The following RASGEF1A variants were observed in gnomAD, a reference collection of about 807,000 sequenced individuals.
The protein encoded by RASGEF1A is ras-GEF domain-containing family member 1A.
Under a neutral mutation model 56.4 loss-of-function variants are expected in RASGEF1A, and 18 were observed. That is an observed-to-expected ratio of 0.32 (90% CI 0.22 to 0.47). The LOEUF is 0.47. RASGEF1A is among the 20% of genes least tolerant of loss of function. The pLI is 1.00. For synonymous variants in RASGEF1A, 245 were observed against 242.6 expected, an observed-to-expected ratio of 1.01 and a Z score of -0.09; for missense variants, 422 against 627.1, an observed-to-expected ratio of 0.67 and a Z score of 3.49.
intron 1 of RASGEF1A, among the ~76,000 whole-genome samples, chr10:43,215,949 G>A (rs1241248917): frequency 1.3e-5 from 2 of 152,238 alleles, no homozygotes; most frequent in Non-Finnish European, 2.9e-5. Context: ...TTCTGGGAAA[G>A]GACGAGCAGA....
At chr10:43,214,014 G>C (rs1226011161) in intron 1 of RASGEF1A, among the ~76,000 whole-genome samples, 1 of 152,172 alleles carries the variant, frequency 6.6e-6, no homozygotes, top group Non-Finnish European at 1.5e-5. Flanking sequence ...CCTCATGTGT[G>C]CAAAAGCTGG....
At chr10:43,240,171 C>T (rs556521230) in intron 1 of RASGEF1A, among the ~76,000 whole-genome samples, 1 of 152,178 alleles carries the variant, frequency 6.6e-6, no homozygotes, top group African/African-American at 2.4e-5. Flanking sequence ...AGCCCCTTAG[C>T]GAAGACTGAG....
intron 1 of RASGEF1A, among the ~76,000 whole-genome samples, chr10:43,218,984 C>A (rs1840172140): frequency 6.6e-6 from 1 of 152,262 alleles, no homozygotes; most frequent in East Asian, 1.9e-4. Context: ...CTCCCTTTTC[C>A]CTTTCTGTCC....
chr10:43,257,321 T>G (rs1239616998), intron 1 of RASGEF1A, among the ~76,000 whole-genome samples: 1 of 152,228 alleles, frequency 6.6e-6, no homozygotes, highest in East Asian at 1.9e-4. Flanking sequence ...ATGCCCACCC[T>G]GGGCCCACTT....
At chr10:43,235,727 TG>T (rs1840421556) in intron 1 of RASGEF1A, among the ~76,000 whole-genome samples, 2 of 152,146 alleles carry the variant, frequency 1.3e-5, no homozygotes, top group Non-Finnish European at 2.9e-5. Context: ...AGTGCCAGCC[TG>T]CCACATGCAC....
chr10:43,214,054 G>T (rs908772796), intron 1 of RASGEF1A, among the ~76,000 whole-genome samples: 1 of 152,226 alleles, frequency 6.6e-6, no homozygotes, highest in Non-Finnish European at 1.5e-5. Context: ...CAGCCACACA[G>T]TGTGTACACC....
chr10:43,238,220 G>A (rs555476832), intron 1 of RASGEF1A, among the ~76,000 whole-genome samples: 1 of 152,108 alleles, frequency 6.6e-6, no homozygotes, highest in East Asian at 1.9e-4. Context: ...GGAGTTAGCC[G>A]TGGCTAGTTT....
rs753506409 is a variant in RASGEF1A, at chr10:43,195,485, A to G, written c.*759T>C. 2.6e-5 allele frequency: 4 copies of G among 152,096 alleles called. No homozygotes were observed. The highest frequency in any genetic ancestry group is 2.0e-4 in the Admixed American group (3 of 15,262). The allele number at this position is 152,096 out of a possible 1,614,324, so 9.4% of individuals were successfully genotyped here. A position where few individuals can be genotyped will look rare whatever the true frequency, so the allele number is the denominator to read the frequency against. On this transcript the variant is annotated 3_prime_UTR_variant, in exon 13 of 13. Transcript: ENST00000395810. The surrounding 1 kb of genome is among the most constrained non-coding windows in gnomAD (Gnocchi z 4.2). ...GTGTCTTTCAGTCACAGCCCAGAAA[A>G]CTGACAACTCCATGCTTCCCTCCCT...
chr10:43,216,439 T>A (rs2133198758), intron 1 of RASGEF1A, among the ~76,000 whole-genome samples: 1 of 152,316 alleles, frequency 6.6e-6, no homozygotes, highest in Middle Eastern at 3.4e-3. Flanking sequence ...CGGGGAGGGC[T>A]CAGCAGGGAG....
chr10:43,232,881 G>A (rs1161708947), intron 1 of RASGEF1A, among the ~76,000 whole-genome samples: 2 of 152,170 alleles, frequency 1.3e-5, no homozygotes, highest in Non-Finnish European at 2.9e-5. Context: ...CAGCAGCCGG[G>A]GGGGATCTCT....
chr10:43,212,659 G>A (rs372359648), intron 1 of RASGEF1A, among the ~76,000 whole-genome samples: 51 of 152,242 alleles, frequency 3.3e-4, no homozygotes, highest in Non-Finnish European at 5.9e-5. Flanking sequence ...CACGCAGGGC[G>A]TGCTTCAGTG....
intron 4 of RASGEF1A, among the ~76,000 whole-genome samples, chr10:43,201,220 G>T (rs544465767): frequency 1.3e-5 from 2 of 152,312 alleles, no homozygotes; most frequent in Admixed American, 6.5e-5. Context: ...GCAGCCCATA[G>T]AACAGTTTAA....
At chr10:43,226,129 C>T (rs991061108) in intron 1 of RASGEF1A, among the ~76,000 whole-genome samples, 1 of 152,194 alleles carries the variant, frequency 6.6e-6, no homozygotes, top group Non-Finnish European at 1.5e-5. Context: ...CAGGGCCCAG[C>T]CAGCAGCAGG....
chr10:43,253,495 T>A (rs988966594), intron 1 of RASGEF1A, among the ~76,000 whole-genome samples: 1 of 152,228 alleles, frequency 6.6e-6, no homozygotes, highest in Non-Finnish European at 1.5e-5. Flanking sequence ...GCCCATTGTA[T>A]TCACAAGTCC....
At chr10:43,240,853 T>C (rs1053551214) in intron 1 of RASGEF1A, among the ~76,000 whole-genome samples, 5 of 152,210 alleles carry the variant, frequency 3.3e-5, no homozygotes, top group African/African-American at 9.6e-5. Context: ...TTCATCTCCA[T>C]ATCCTAAAAG....
At chr10:43,238,158 AACACCTGCCCCTCAGGAGG>A (rs11269007) in intron 1 of RASGEF1A, among the ~76,000 whole-genome samples, 77,913 of 149,636 alleles carry the variant, frequency 0.52, 20,405 homozygotes, top group African/African-American at 0.58. Flanking sequence ...ATCACAGAGT[AACACCTGCCCCTCAGGAGG>A]GTTAGCCATG....
At chr10:43,264,830 G>T (rs929994651) in intron 1 of RASGEF1A, among the ~76,000 whole-genome samples, 5 of 150,980 alleles carry the variant, frequency 3.3e-5, no homozygotes, top group South Asian at 4.1e-4. Flanking sequence ...TGAGGACAGT[G>T]GGGGGGCCAA....
chr10:43,258,360 C>T (rs1836463753), intron 1 of RASGEF1A, among the ~76,000 whole-genome samples: 1 of 152,166 alleles, frequency 6.6e-6, no homozygotes, highest in Non-Finnish European at 1.5e-5. Flanking sequence ...AAGGTGAAGT[C>T]GCCCCTCCTA....
intron 1 of RASGEF1A, among the ~76,000 whole-genome samples, chr10:43,244,979 T>C (rs1426493756): frequency 1.3e-5 from 2 of 150,700 alleles, no homozygotes; most frequent in African/African-American, 2.4e-5. Context: ...GTAAATGAAA[T>C]AGAGAGTAAA....
Sources: allele counts gnomAD v4.1 joint callset (sites outside exome capture counted in the v4.1 genomes callset), GRCh38; gene constraint gnomAD v4.1.1; non-coding constraint Gnocchi (gnomAD v3.1); transcripts MANE v1.5; gene names NCBI Gene and HGNC (gene_info 2026-07-23, HGNC 2026-07-21).